FGFR1OP2: variants seen among roughly 807,000 people sequenced by gnomAD.
FGFR1OP2 encodes FGFR1 oncogene partner 2, also known as fibroblast growth factor receptor 1 oncogene partner 2.
In FGFR1OP2, 17 loss-of-function variants were observed where a neutral mutation model predicts 35.2. That is an observed-to-expected ratio of 0.48 (90% CI 0.33 to 0.73). The LOEUF (loss-of-function observed/expected upper bound fraction) is 0.73. FGFR1OP2 is among the 30% of genes least tolerant of loss of function. FGFR1OP2 has a pLI of 0.02. For synonymous variants in FGFR1OP2, 105 were observed against 104.6 expected (o/e 1.00, Z -0.03); for missense variants, 251 against 307.3 (o/e 0.82, Z 1.37).
At chr12:26,948,251 T>C (rs1426550989) in intron 1 of FGFR1OP2, among the ~76,000 whole-genome samples, 1 of 152,238 alleles carries the variant, frequency 6.6e-6, no homozygotes. Context: ...ACAATTTCAG[T>C]TGGTCTTCCT....
chr12:26,956,590 A>C lies in FGFR1OP2; in HGVS notation c.183A>C (p.Pro61=). ...QELNEVARHR[P]RSTLVMGIQQ... is the part of the protein sequence containing the mutation. ...TTAATGAAGTCGCGAGACATCGGCC[A>C]CGGTCCACGTTAGTTATGGGAATCC... The change falls in exon 3 of 7, where the codon CCA becomes CCC. Residue 61 remains proline (P), a synonymous_variant. Transcript: ENST00000229395. 1 of 1,602,894 alleles carries C rather than the reference A, an allele frequency of 6.2e-7. No homozygotes were observed. Among genetic ancestry groups the C allele is most frequent in the Non-Finnish European group, 8.5e-7 (1 of 1,174,744 alleles).
chr12:26,966,300 C>T lies in FGFR1OP2; in HGVS notation c.*1567C>T, dbSNP rs1202989548. On this transcript the variant is annotated 3_prime_UTR_variant, in exon 7 of 7. Transcript: ENST00000229395. ...GGGAAAGTATTCCTTAATTTAATGA[C>T]ACATTCATTCAGATACTTCTTATCC... The T allele has an allele frequency of 6.6e-6, 1 of 151,920 alleles. No homozygotes were observed. The highest frequency in any genetic ancestry group is 1.5e-5 in the Non-Finnish European group (1 of 67,936). The allele number at this position is 151,920 out of a possible 1,614,324, so 9.4% of individuals were successfully genotyped here.
chr12:26,947,941 ATTCAT>A (rs1938855993), intron 1 of FGFR1OP2, among the ~76,000 whole-genome samples: 1 of 151,802 alleles, frequency 6.6e-6, no homozygotes. Context: ...ACACTTTTTA[ATTCAT>A]TTCAATTAAT....
At chr12:26,950,388 A>G (rs1019853061) in intron 1 of FGFR1OP2, among the ~76,000 whole-genome samples, 1 of 150,896 alleles carries the variant, frequency 6.6e-6, no homozygotes, top group Non-Finnish European at 1.5e-5. Flanking sequence ...ACGCCCGGCT[A>G]ATTTTTTTTT....
At chr12:26,944,432 C>T (rs931553397) in intron 1 of FGFR1OP2, among the ~76,000 whole-genome samples, 1 of 152,122 alleles carries the variant, frequency 6.6e-6, no homozygotes, top group Non-Finnish European at 1.5e-5. Flanking sequence ...TAAAAAAATC[C>T]TCTTCTAGCT....
chr12:26,941,366 A>G (rs1173124958), intron 1 of FGFR1OP2, among the ~76,000 whole-genome samples: 1 of 152,242 alleles, frequency 6.6e-6, no homozygotes, highest in Non-Finnish European at 1.5e-5. Context: ...GTGATAAAGT[A>G]AATGCATATT....
intron 1 of FGFR1OP2, among the ~76,000 whole-genome samples, chr12:26,952,197 A>G (rs1938943398): frequency 6.7e-6 from 1 of 149,826 alleles, no homozygotes; most frequent in Admixed American, 6.7e-5. Flanking sequence ...AGTGATGTCC[A>G]TTTAACCTAT....
intron 4 of FGFR1OP2, among the ~76,000 whole-genome samples, chr12:26,958,222 G>A (rs1939053067): frequency 6.6e-6 from 1 of 152,146 alleles, no homozygotes; most frequent in Non-Finnish European, 1.5e-5. Context: ...TTAGCCGGGT[G>A]TGGTAGCACA....
intron 5 of FGFR1OP2, 51 bp downstream of exon 5, chr12:26,960,679 A>G (rs746244423): frequency 9.0e-6 from 14 of 1,556,108 alleles, no homozygotes; most frequent in Non-Finnish European, 3.5e-6. Context: ...AGGGGGGTCC[A>G]TTTTAAAAGT....
intron 5 of FGFR1OP2, 113 bp from the exon 6 acceptor site, chr12:26,963,229 G>A: frequency 1.8e-6 from 1 of 569,566 alleles, no homozygotes; most frequent in East Asian, 2.9e-5. Context: ...TTCATATTAA[G>A]TGACAATGTA....
chr12:26,954,081 A>G (rs549156064), intron 1 of FGFR1OP2, 64 bp from the exon 2 acceptor site: 6 of 1,239,028 alleles, frequency 4.8e-6, no homozygotes, highest in Admixed American at 2.6e-5. Flanking sequence ...CTGTGTTGAC[A>G]TGAAGCTAAA....
intron 1 of FGFR1OP2, among the ~76,000 whole-genome samples, chr12:26,948,385 A>G (rs1176519489): frequency 6.6e-6 from 1 of 152,206 alleles, no homozygotes; most frequent in Non-Finnish European, 1.5e-5. Flanking sequence ...CTTTTATTTC[A>G]CCTTCATATA....
chr12:26,961,582 C>G (rs576333562), intron 5 of FGFR1OP2: 9 of 152,018 alleles, frequency 5.9e-5, no homozygotes, highest in African/African-American at 2.2e-4. Context: ...ACTAAAAATA[C>G]AAAAAGTTAG....
chr12:26,945,069 A>C (rs890347623), intron 1 of FGFR1OP2, among the ~76,000 whole-genome samples: 3 of 152,052 alleles, frequency 2.0e-5, no homozygotes, highest in Non-Finnish European at 4.4e-5. Context: ...ATCTTTCCTG[A>C]TATCCCTTCT....
chr12:26,938,875 C>T (rs552278336), intron 1 of FGFR1OP2, among the ~76,000 whole-genome samples, 165 bp downstream of exon 1: 101 of 152,162 alleles, frequency 6.6e-4, no homozygotes, highest in Non-Finnish European at 8.4e-4. Context: ...AGCCGGACTT[C>T]CTCTCCGCGC....
intron 5 of FGFR1OP2, 151 bp downstream of exon 5, chr12:26,960,779 C>G: frequency 8.0e-7 from 1 of 1,242,518 alleles, no homozygotes; most frequent in East Asian, 2.8e-5. Flanking sequence ...CCATGCTGTT[C>G]AGTGTAGAAA....
At chr12:26,952,249 C>T (rs557673765) in intron 1 of FGFR1OP2, among the ~76,000 whole-genome samples, 2 of 152,080 alleles carry the variant, frequency 1.3e-5, no homozygotes, top group East Asian at 3.9e-4. Flanking sequence ...TGTCTGTCTA[C>T]AGTTTTAGAT....
In FGFR1OP2 at chr12:26,946,425, C is replaced by T. The variant is rs140149296; in HGVS notation, c.-15+7715C>T. Among the ~76,000 whole-genome samples, 766 of 152,294 alleles carry T rather than the reference C, an allele frequency of 5.0e-3. 3 individuals are homozygous for T. The highest frequency in any genetic ancestry group is 8.9e-3 in the Non-Finnish European group (606 of 68,024). On this transcript the variant is annotated intron_variant, in intron 1 of 6. Transcript: ENST00000229395. Reference sequence around the variant, plus strand: ...TCCTGGGCTTAGGTGATCCTCCTACCTCCACCTCCCAGCTAGCTGCGACTG... The same window carrying T: ...TCCTGGGCTTAGGTGATCCTCCTACTTCCACCTCCCAGCTAGCTGCGACTG...
Position 26,964,616 on chromosome 12 carries a change from A to C in FGFR1OP2, c.645A>C (p.Arg215Ser). ...TTTAGCAAGAAAACAAAGGCTTGAG[A>C]GAGATCCTTCAAATAACTCGAGAAT... ...FQLEQENKGL[R>S]EILQITRESF... Residue 215 changes from arginine (R) to serine (S), a missense_variant, in exon 7 of 7, where the codon AGA becomes AGC. Arg to Ser is a moderately radical substitution (Grantham distance 110, BLOSUM62 -1). Coordinates refer to ENST00000229395, the MANE Select transcript of FGFR1OP2 (RefSeq NM_015633.3). The C allele has an allele frequency of 1.2e-6, 2 of 1,613,032 alleles. No individual in the cohort carries two copies. The highest frequency in any genetic ancestry group is 2.7e-5 in the African/African-American group (2 of 75,018).
Sources: gnomAD v4.1 joint callset for allele counts (sites outside exome capture counted in the v4.1 genomes callset) on GRCh38, gnomAD v4.1.1 for gene constraint, MANE v1.5 for transcripts, NCBI Gene and HGNC (gene_info 2026-07-23, HGNC 2026-07-21) for gene names.